The following MMP8 variants were observed in gnomAD, a reference collection of about 807,000 sequenced individuals.
MMP8 encodes the protein neutrophil collagenase.
In MMP8, 67 loss-of-function variants were observed where a neutral mutation model predicts 51.2. The observed-to-expected ratio is 1.31, with a 90% CI of 1.08 to 1.60. The LOEUF is 1.60. Among genes scored for constraint, MMP8 ranks in the 40% most tolerant of loss-of-function variants. The pLI, the probability that MMP8 is intolerant of heterozygous loss-of-function variation, is 0.00. For synonymous variants in MMP8, 225 were observed against 191.0 expected, an observed-to-expected ratio of 1.18 and a Z score of -1.47; for missense variants, 654 against 558.1, an observed-to-expected ratio of 1.17 and a Z score of -1.73.
intron 1 of MMP8, chr11:102,723,754 C>T (rs1861542153): frequency 3.6e-6 from 1 of 274,476 alleles, no homozygotes; most frequent in Admixed American, 4.8e-5. Context: ...TCTTAAAGGA[C>T]CCACTGTCAC....
chr11:102,713,548 C>A, intron 9 of MMP8, 91 bp from the exon 10 acceptor site: 1 of 1,147,050 alleles, frequency 8.7e-7, no homozygotes, highest in South Asian at 1.4e-5. Context: ...TCCAACATAA[C>A]ATTCAAATGC....
At chr11:102,724,322 A>G (rs1165442650) in intron 1 of MMP8, among the ~76,000 whole-genome samples, 1 of 152,212 alleles carries the variant, frequency 6.6e-6, no homozygotes, top group South Asian at 2.1e-4. Flanking sequence ...GTTCATTGTA[A>G]TCTACCATCC....
At chr11:102,722,893 G>C in intron 1 of MMP8, 2 of 1,018,104 alleles carry the variant, frequency 2.0e-6, no homozygotes, top group Non-Finnish European at 2.8e-6. Flanking sequence ...CATAAAAAAG[G>C]GTGTCTCATA....
At chr11:102,716,899 A>G (rs1389360514) in intron 5 of MMP8, among the ~76,000 whole-genome samples, 1 of 152,194 alleles carries the variant, frequency 6.6e-6, no homozygotes, top group Non-Finnish European at 1.5e-5. Flanking sequence ...TCACTGTGGA[A>G]TGAAAGGCTA....
Position 102,718,290 on chromosome 11 carries a change from G to T in MMP8, c.784+124C>A. 3 of 1,021,398 alleles carry T rather than the reference G, an allele frequency of 2.9e-6. No homozygotes were observed. In the South Asian group the frequency reaches 4.9e-5, roughly 17 times the overall value. The allele number at this position is 1,021,398 out of a possible 1,614,324, so 63.3% of individuals were successfully genotyped here. On this transcript the variant is annotated intron_variant, in intron 5 of 9. Transcript: ENST00000236826. The stretch of plus-strand genomic sequence containing the variant: ...TTCTTTGTTAATGCTTTATTACTGG[G>T]GAAATTCAGAGTTCAGTTTTATGGA...
rs771298483 is a variant in MMP8 at position 102,714,566 on chromosome 11, G to A, written c.1180C>T (p.Gln394Ter). ...RSKTYFFVND[Q>*]FWRYDNQRQF... is the part of the protein sequence containing the mutation. ...AATAGTTTACGTTACCTCCAGAATT[G>A]GTCATTTACAAAGAAGTATGTTTTA... is the stretch of plus-strand genomic sequence containing the variant. The change falls in exon 8 of 10, where the codon CAA (glutamine) becomes TAA (stop). Residue 394 changes from glutamine (Q) to a stop codon, truncating the protein, a stop_gained. Transcript: ENST00000236826. LOFTEE classifies it high-confidence loss of function. The A allele has an allele frequency of 7.5e-6, 11 of 1,468,134 alleles. No homozygotes were observed. The East Asian group carries it at 1.3e-4, about 18-fold the overall frequency. 90.9% of individuals were successfully genotyped at this position (1,468,134 alleles called of 1,614,324 possible).
Position 102,711,865 on chromosome 11 carries a change from G to T in MMP8, c.*1483C>A, listed in dbSNP as rs1591668264. On this transcript the variant is annotated 3_prime_UTR_variant, in exon 10 of 10. Transcript: ENST00000236826. ...ATTTTAATTTTTGAACAAGCATAAA[G>T]GTGCCAATTTAATTATCTGTGGGAT... The T allele has an allele frequency of 1.3e-5, 2 of 152,118 alleles. No individual in the cohort carries two copies. Among genetic ancestry groups the T allele is most frequent in the Non-Finnish European group, 1.5e-5 (1 of 67,980 alleles). The allele number at this position is 152,118 out of a possible 1,614,324, so 9.4% of individuals were successfully genotyped here.
At chr11:102,716,134 A>G (rs1861284977) in intron 6 of MMP8, among the ~76,000 whole-genome samples, 168 bp downstream of exon 6, 1 of 152,154 alleles carries the variant, frequency 6.6e-6, no homozygotes. Flanking sequence ...AGTTAAGCTC[A>G]GGGGGCTATG....
chr11:102,718,634 T>C (rs889578061), intron 4 of MMP8, 59 bp from the exon 5 acceptor site: 16 of 1,599,938 alleles, frequency 1.0e-5, no homozygotes, highest in East Asian at 2.2e-5. Flanking sequence ...GGCAGAAACA[T>C]GATCTCAAGG....
At chr11:102,724,547 G>A (rs1287492108) in intron 1 of MMP8, among the ~76,000 whole-genome samples, 1 of 152,152 alleles carries the variant, frequency 6.6e-6, no homozygotes, top group East Asian at 1.9e-4. Context: ...AGCCTTTAAA[G>A]AATTCAGCTT....
At chr11:102,719,416 G>A (rs951054364) in intron 4 of MMP8, among the ~76,000 whole-genome samples, 1 of 152,052 alleles carries the variant, frequency 6.6e-6, no homozygotes, top group Non-Finnish European at 1.5e-5. Context: ...TAATTGTAGA[G>A]TACCTACAAC....
intron 4 of MMP8, among the ~76,000 whole-genome samples, chr11:102,719,687 C>T (rs1331148679): frequency 6.6e-6 from 1 of 152,180 alleles, no homozygotes; most frequent in African/African-American, 2.4e-5. Context: ...TCATCACATC[C>T]TTTTAATTAT....
In MMP8 at chr11:102,724,911, G is replaced by C; in HGVS notation, c.-56C>G. 1.9e-6 allele frequency: 3 copies of C among 1,557,560 alleles called. No homozygotes were observed. The highest frequency in any genetic ancestry group is 1.2e-5 in the South Asian group (1 of 81,236). On this transcript the variant is annotated 5_prime_UTR_variant, in exon 1 of 10. Transcript: ENST00000236826. ...CTTTCTTTCTGTCCCTCTGGGTAGG[G>C]CCCTTCCCTGGCGAGCACCCTGACG...
intron 8 of MMP8, 96 bp downstream of exon 8, chr11:102,714,456 ACTAT>A: frequency 1.4e-6 from 1 of 715,604 alleles, no homozygotes; most frequent in African/African-American, 1.9e-5. Flanking sequence ...CCTATTAGAG[ACTAT>A]CTAGATTGTT....
intron 4 of MMP8, among the ~76,000 whole-genome samples, chr11:102,719,577 C>A (rs755852954): frequency 5.9e-5 from 9 of 152,136 alleles, no homozygotes; most frequent in Non-Finnish European, 1.2e-4. Context: ...GGGTCAAACC[C>A]AGGTATAATG....
At chr11:102,723,406 T>G in intron 1 of MMP8, 1 of 403,938 alleles carries the variant, frequency 2.5e-6, no homozygotes, top group South Asian at 1.8e-5. Flanking sequence ...AGTGTCTTAG[T>G]CCATTTTCTG....
At chr11:102,723,845 G>T in intron 1 of MMP8, 2 of 245,692 alleles carry the variant, frequency 8.1e-6, no homozygotes, top group Non-Finnish European at 8.7e-6. Flanking sequence ...CAGATCACAC[G>T]CTTTGGAATC....
chr11:102,715,219 C>T, intron 7 of MMP8, 85 bp downstream of exon 7: 1 of 1,488,566 alleles, frequency 6.7e-7, no homozygotes, highest in Non-Finnish European at 9.0e-7. Flanking sequence ...CATTAGCTCA[C>T]CATGAACCTG....
In MMP8 at chr11:102,713,857, T is replaced by C; in HGVS notation, c.1191A>G (p.Arg397=). 7 of 1,603,372 alleles carry C rather than the reference T, an allele frequency of 4.4e-6. No individual in the cohort carries two copies. Among genetic ancestry groups the C allele is most frequent in the Non-Finnish European group, 6.0e-6 (7 of 1,175,986 alleles). The change falls in exon 9 of 10, where the codon AGA becomes AGG. Residue 397 remains arginine (R), a splice_region_variant and synonymous_variant. Coordinates refer to ENST00000236826, the MANE Select transcript of MMP8 (RefSeq NM_002424.3). The part of the protein sequence containing the change: ...TYFFVNDQFW[R]YDNQRQFMEP... ...CCATGAATTGTCTTTGGTTATCATA[T>C]CTGGTAAAAACAAAATGTTATCCGA...
Sources: gnomAD v4.1 joint callset for allele counts (sites outside exome capture counted in the v4.1 genomes callset) on GRCh38, gnomAD v4.1.1 for gene constraint, MANE v1.5 for transcripts, NCBI Gene and HGNC (gene_info 2026-07-23, HGNC 2026-07-21) for gene names.